Variants in PRG4 observed in about 807,000 individuals in gnomAD.
PRG4 encodes articular superficial zone protein.
PRG4 carries 61 observed loss-of-function variants against 91.2 expected under a neutral mutation model. The ratio of observed to expected loss-of-function variants is 0.67; its 90% confidence interval spans 0.54 to 0.83. The LOEUF (loss-of-function observed/expected upper bound fraction) is 0.83, where lower values mean the gene tolerates loss of function less well. PRG4 is among the 40% of genes least tolerant of loss of function. The pLI, the probability that PRG4 is intolerant of heterozygous loss-of-function variation, is 0.00. For synonymous variants in PRG4, 576 were observed against 614.2 expected, an observed-to-expected ratio of 0.94 and a Z score of 0.92; for missense variants, 1,564 against 1,714.2, an observed-to-expected ratio of 0.91 and a Z score of 1.55.
chr1:186,310,693 G>T (rs1319477490), intron 8 of PRG4, among the ~76,000 whole-genome samples: 4 of 146,524 alleles, frequency 2.7e-5, no homozygotes, highest in African/African-American at 1.0e-4. Flanking sequence ...GTAGAGACAG[G>T]GTTTTGTCAT....
intron 6 of PRG4, among the ~76,000 whole-genome samples, chr1:186,305,807 G>T (rs1656517434): frequency 6.6e-6 from 1 of 152,136 alleles, no homozygotes; most frequent in Non-Finnish European, 1.5e-5. Flanking sequence ...TAGCTGCGCA[G>T]AAGAAAAGGA....
At chr1:186,304,016 C>A in intron 4 of PRG4, 92 bp from the exon 5 acceptor site, 1 of 1,379,618 alleles carries the variant, frequency 7.2e-7, no homozygotes, top group African/African-American at 1.4e-5. Context: ...CCAGCATCTA[C>A]TCTTGAAGCT....
intron 7 of PRG4, 128 bp from the exon 8 acceptor site, chr1:186,309,665 C>T: frequency 1.4e-6 from 1 of 731,900 alleles, no homozygotes; most frequent in Non-Finnish European, 2.4e-6. Flanking sequence ...GCAAACAGGT[C>T]AAACTGTGTC....
rs767635485 is a variant in PRG4 at position 186,312,881 on chromosome 1, T to A, written c.4104T>A (p.Tyr1368Ter). The A allele has an allele frequency of 6.2e-7, 1 of 1,612,406 alleles. No individual in the cohort carries two copies. ...GAAAACCTGACGGCTATGATTACTA[T>A]GCCTTTTCTAAAGGTAAGGTATTAA... ...NIRKPDGYDY[Y>*]AFSKDQYYNI... Residue 1368 changes from tyrosine (Y) to a stop codon, truncating the protein, a stop_gained, in exon 12 of 13, where the codon TAT becomes TAA. Transcript: ENST00000445192. LOFTEE classifies it high-confidence loss of function.
At chr1:186,309,595 T>C (rs1279618891) in intron 7 of PRG4, among the ~76,000 whole-genome samples, 198 bp from the exon 8 acceptor site, 2 of 152,202 alleles carry the variant, frequency 1.3e-5, no homozygotes, top group African/African-American at 4.8e-5. Flanking sequence ...ATTTATTTCA[T>C]ATAATACTTT....
intron 2 of PRG4, 72 bp from the exon 3 acceptor site, chr1:186,300,019 T>C: frequency 6.4e-7 from 1 of 1,562,428 alleles, no homozygotes; most frequent in Non-Finnish European, 8.8e-7. Context: ...AGTGGCTTTG[T>C]CCCCCTCGTT....
intron 8 of PRG4, among the ~76,000 whole-genome samples, chr1:186,310,736 A>T (rs1219194843): frequency 3.4e-5 from 5 of 148,542 alleles, no homozygotes; most frequent in Non-Finnish European, 7.4e-5. Context: ...TCCTGGGCCC[A>T]AGCCATCTAC....
intron 3 of PRG4, among the ~76,000 whole-genome samples, chr1:186,301,284 T>C (rs1656199382): frequency 6.6e-6 from 1 of 152,224 alleles, no homozygotes; most frequent in African/African-American, 2.4e-5. Context: ...GCTATCTCAC[T>C]ATCTAGACAT....
At chr1:186,309,175 G>T in intron 7 of PRG4, 35 bp downstream of exon 7, 1 of 1,576,264 alleles carries the variant, frequency 6.3e-7, no homozygotes. Context: ...TTTTAAAGCT[G>T]GTAATGTTAG....
In PRG4 at chr1:186,303,074, G is replaced by C. The variant is rs576177982; in HGVS notation, c.320-1034G>C. On this transcript the variant is annotated intron_variant, in intron 4 of 12. Coordinates refer to ENST00000445192, the MANE Select transcript of PRG4 (RefSeq NM_005807.6). ...AAGTGTAATAACCAAACTATCTTGA[G>C]ATTCACTACTTAGTTGTTTCAGTAT... is the stretch of plus-strand genomic sequence containing the variant. Among the ~76,000 whole-genome samples, 3 of 152,170 alleles carry C rather than the reference G, an allele frequency of 2.0e-5. No homozygotes were observed. In the South Asian group the frequency reaches 6.2e-4, roughly 32 times the overall value.
rs367717231 is a variant in PRG4 at position 186,300,229 on chromosome 1, G to A, written c.199+16G>A. 37 of 1,613,460 alleles carry A rather than the reference G, an allele frequency of 2.3e-5. No homozygotes were observed. The South Asian group carries it at 2.3e-4, about 10-fold the overall frequency. On this transcript the variant is annotated intron_variant, in intron 3 of 12. Transcript: ENST00000445192. ...TGCACTGCGGGTAAGTCCTGAGAGCGGGTGTCTCCTCTGTCAAGCAACACT... is the reference window on the plus strand; with the variant it reads ...TGCACTGCGGGTAAGTCCTGAGAGCAGGTGTCTCCTCTGTCAAGCAACACT...
intron 12 of PRG4, 98 bp from the exon 13 acceptor site, chr1:186,313,583 A>G: frequency 1.3e-6 from 1 of 765,800 alleles, no homozygotes; most frequent in Non-Finnish European, 2.3e-6. Context: ...TATTAAAATG[A>G]TAAACATTGT....
At chr1:186,313,048 T>C in intron 12 of PRG4, 154 bp downstream of exon 12, 1 of 802,626 alleles carries the variant, frequency 1.2e-6, no homozygotes, top group Non-Finnish European at 2.0e-6. Context: ...AGACTTTTGC[T>C]TTAATTTCAA....
In PRG4 at chr1:186,306,741, G is replaced by A; in HGVS notation, c.1022G>A (p.Gly341Asp). 1.9e-6 allele frequency: 3 copies of A among 1,613,458 alleles called. No individual in the cohort carries two copies. The highest frequency in any genetic ancestry group is 2.2e-5 in the East Asian group (1 of 44,880). Reference sequence around the variant, plus strand: ...CCCAAAGCTGAAACTACAACCAAAGGCCCTGCTCTCACCACTCCCAAGGAG... The same window carrying A: ...CCCAAAGCTGAAACTACAACCAAAGACCCTGCTCTCACCACTCCCAAGGAG... Reference protein sequence around the residue: ...PTPKAETTTKGPALTTPKEPT... With the variant: ...PTPKAETTTKDPALTTPKEPT... Residue 341 changes from glycine to aspartate, a missense_variant, in exon 7 of 13, where the codon GGC (glycine) becomes GAC (aspartate). Gly to Asp is a moderately conservative substitution (Grantham distance 94, BLOSUM62 -1). This residue lies in a region of PRG4 where 437 missense variants were observed against 459.0 expected (regional missense o/e 0.95). Transcript: ENST00000445192.
intron 11 of PRG4, 134 bp from the exon 12 acceptor site, chr1:186,312,635 T>C: frequency 1.6e-5 from 15 of 964,736 alleles, no homozygotes; most frequent in Non-Finnish European, 2.3e-5. Flanking sequence ...AAGAACATTA[T>C]ATACCAGTCT....
rs1655907066 is a variant in PRG4, at chr1:186,297,067, A to G, written c.76+116A>G. The G allele has an allele frequency of 9.1e-6, 8 of 881,886 alleles. No homozygotes were observed. In the East Asian group the frequency reaches 1.9e-4, roughly 20 times the overall value. The allele number at this position is 881,886 out of a possible 1,614,324, so 54.6% of individuals were successfully genotyped here. ...ATTTATATTTGCTTGAGTTTAATAT[A>G]CTGTACAACCTTAAAATAATATATA... On this transcript the variant is annotated intron_variant, in intron 2 of 12. Coordinates refer to ENST00000445192, the MANE Select transcript of PRG4 (RefSeq NM_005807.6).
In PRG4 at chr1:186,304,867, A is replaced by T; in HGVS notation, c.543A>T (p.Lys181Asn). 1.2e-6 allele frequency: 2 copies of T among 1,613,338 alleles called. No individual in the cohort carries two copies. The highest frequency in any genetic ancestry group is 8.5e-7 in the Non-Finnish European group (1 of 1,179,442). The change falls in exon 6 of 13, where the codon AAA (lysine) becomes AAT (asparagine). Residue 181 changes from lysine to asparagine, a missense_variant. By Grantham distance (94) the Lys-to-Asn change is moderately conservative. Around this residue, in one of 3 missense-constraint regions of PRG4, gnomAD observed 437 missense variants for 459.0 expected, o/e 0.95. Coordinates refer to ENST00000445192, the MANE Select transcript of PRG4 (RefSeq NM_005807.6). Reference sequence around the variant, plus strand: ...CCTCTTCTTCTTCAACAATTCGGAAAATCAAGTCTTCCAAAAATTCAGCTG... The same window carrying T: ...CCTCTTCTTCTTCAACAATTCGGAATATCAAGTCTTCCAAAAATTCAGCTG... ...SSSSSSSTIR[K>N]IKSSKNSAAN...
intron 6 of PRG4, among the ~76,000 whole-genome samples, chr1:186,305,423 C>T (rs1324615490): frequency 6.6e-6 from 1 of 152,110 alleles, no homozygotes; most frequent in Non-Finnish European, 1.5e-5. Context: ...TTATATCTGG[C>T]TGACTTTTCC....
chr1:186,300,231 G>T lies in PRG4; in HGVS notation c.199+18G>T, dbSNP rs541693900. 4 of 1,613,416 alleles carry T rather than the reference G, an allele frequency of 2.5e-6. No homozygotes were observed. The highest frequency in any genetic ancestry group is 3.4e-6 in the Non-Finnish European group (4 of 1,180,004). ...CACTGCGGGTAAGTCCTGAGAGCGG[G>T]TGTCTCCTCTGTCAAGCAACACTGC... On this transcript the variant is annotated intron_variant, in intron 3 of 12. Transcript: ENST00000445192.
Sources: allele counts gnomAD v4.1 joint callset (sites outside exome capture counted in the v4.1 genomes callset), GRCh38; gene constraint gnomAD v4.1.1; regional missense constraint gnomAD v4.1.1; transcripts MANE v1.5; gene names NCBI Gene and HGNC (gene_info 2026-07-23, HGNC 2026-07-21).